The following MLLT10 variants were observed in gnomAD, a reference collection of about 807,000 sequenced individuals.
MLLT10 encodes protein AF-10.
In MLLT10, 30 loss-of-function variants were observed where a neutral mutation model predicts 129.1. The ratio of observed to expected loss-of-function variants is 0.23; its 90% confidence interval spans 0.17 to 0.32. The LOEUF is 0.32. MLLT10 is among the 10% of genes least tolerant of loss of function. The pLI is 1.00. For synonymous variants in MLLT10, 490 were observed against 446.4 expected, an observed-to-expected ratio of 1.10 and a Z score of -1.23; for missense variants, 1,119 against 1,268.3, an observed-to-expected ratio of 0.88 and a Z score of 1.79.
intron 5 of MLLT10, among the ~76,000 whole-genome samples, chr10:21,603,819 GT>G (rs1471443416): frequency 7.3e-6 from 1 of 137,298 alleles, no homozygotes; most frequent in African/African-American, 2.5e-5. Context: ...GACAGTTTTT[GT>G]TTTTTTGTTT....
At chr10:21,702,995 T>A (rs1227108449) in intron 13 of MLLT10, among the ~76,000 whole-genome samples, 1 of 152,170 alleles carries the variant, frequency 6.6e-6, no homozygotes, top group Non-Finnish European at 1.5e-5. Context: ...TTCTTTCTTT[T>A]CCTTTCTTTT....
chr10:21,605,695 A>C (rs2043992297), intron 5 of MLLT10, among the ~76,000 whole-genome samples: 1 of 152,150 alleles, frequency 6.6e-6, no homozygotes, highest in Non-Finnish European at 1.5e-5. Context: ...TTAGTCTCCC[A>C]AAGTGCTGGG....
intron 4 of MLLT10, 95 bp from the exon 5 acceptor site, chr10:21,595,236 T>A: frequency 2.5e-6 from 2 of 814,968 alleles, no homozygotes; most frequent in Non-Finnish European, 3.8e-6. Context: ...GTGCATTTAT[T>A]TCAATAGACA....
intron 13 of MLLT10, among the ~76,000 whole-genome samples, chr10:21,686,628 C>CT (rs2053318487): frequency 6.6e-6 from 1 of 152,154 alleles, no homozygotes; most frequent in East Asian, 1.9e-4. Flanking sequence ...AAGATCCTCT[C>CT]TGAGAAAGAA....
chr10:21,659,427 G>GA (rs1412227803), intron 9 of MLLT10, among the ~76,000 whole-genome samples: 1 of 151,750 alleles, frequency 6.6e-6, no homozygotes, highest in Non-Finnish European at 1.5e-5. Context: ...AAAACCAAAG[G>GA]AAAAATAGCA....
At chr10:21,572,823 A>C (rs1034473584) in intron 3 of MLLT10, among the ~76,000 whole-genome samples, 28 of 152,080 alleles carry the variant, frequency 1.8e-4, no homozygotes, top group African/African-American at 6.8e-4. Flanking sequence ...ATTGTTGGCC[A>C]GGCTGGTCAA....
intron 9 of MLLT10, among the ~76,000 whole-genome samples, chr10:21,663,422 G>A (rs892902727): frequency 6.6e-6 from 1 of 151,570 alleles, no homozygotes; most frequent in Non-Finnish European, 1.5e-5. Context: ...TGTTGCCCAG[G>A]CTGGAGTGCA....
At chr10:21,627,805 T>C (rs188840023) in intron 8 of MLLT10, among the ~76,000 whole-genome samples, 6 of 152,320 alleles carry the variant, frequency 3.9e-5, no homozygotes, top group Admixed American at 1.3e-4. Flanking sequence ...TCAACAGTCT[T>C]TTCATTAACT....
At chr10:21,736,286 T>A (rs573195838) in intron 21 of MLLT10, among the ~76,000 whole-genome samples, 4 of 152,268 alleles carry the variant, frequency 2.6e-5, no homozygotes, top group African/African-American at 9.6e-5. Flanking sequence ...AATTGTGGTA[T>A]ATATATGTAT....
chr10:21,619,264 A>G (rs1182775521), intron 8 of MLLT10, among the ~76,000 whole-genome samples: 3 of 152,218 alleles, frequency 2.0e-5, no homozygotes, highest in African/African-American at 7.2e-5. Flanking sequence ...TTTTTAAGTC[A>G]TCAACTAAGG....
intron 3 of MLLT10, among the ~76,000 whole-genome samples, chr10:21,573,596 CTT>C (rs869065926): frequency 9.8e-5 from 14 of 143,256 alleles, no homozygotes; most frequent in Admixed American, 1.4e-4. Flanking sequence ...GTGTATTATT[CTT>C]TTTTTTTTTT....
At chr10:21,591,876 A>T (rs755475711) in intron 4 of MLLT10, among the ~76,000 whole-genome samples, 87 of 151,976 alleles carry the variant, frequency 5.7e-4, no homozygotes, top group Non-Finnish European at 8.8e-4. Context: ...ACACACCACA[A>T]CACTCAGCTA....
intron 8 of MLLT10, chr10:21,626,016 C>T: frequency 8.7e-7 from 1 of 1,150,954 alleles, no homozygotes; most frequent in Admixed American, 1.7e-5. Flanking sequence ...TTCCTCTGTC[C>T]TGTGGTTACA....
chr10:21,696,312 T>A (rs1447826566), intron 13 of MLLT10, among the ~76,000 whole-genome samples: 2 of 152,210 alleles, frequency 1.3e-5, no homozygotes, highest in African/African-American at 4.8e-5. Context: ...TAGGTAATAT[T>A]TTTTTTCCCT....
chr10:21,598,420 A>C (rs1028455466), intron 5 of MLLT10, among the ~76,000 whole-genome samples: 1 of 152,142 alleles, frequency 6.6e-6, no homozygotes, highest in Non-Finnish European at 1.5e-5. Flanking sequence ...TCTCTGAGTA[A>C]CCTTGATTTC....
chr10:21,711,006 G>T (rs1386733531), intron 13 of MLLT10, among the ~76,000 whole-genome samples: 2 of 152,116 alleles, frequency 1.3e-5, no homozygotes, highest in African/African-American at 4.8e-5. Flanking sequence ...TAGTCACCAG[G>T]TTCTATTGGT....
chr10:21,736,256 A>T (rs1667661982), intron 21 of MLLT10, among the ~76,000 whole-genome samples: 1 of 152,150 alleles, frequency 6.6e-6, no homozygotes, highest in Admixed American at 6.5e-5. Flanking sequence ...AGTATGGGCT[A>T]CGTATTGAAA....
At chr10:21,662,977 C>T (rs1426462811) in intron 9 of MLLT10, among the ~76,000 whole-genome samples, 3 of 152,148 alleles carry the variant, frequency 2.0e-5, no homozygotes, top group Admixed American at 2.0e-4. Context: ...TTGTACATTT[C>T]CCTTCCCTAG....
At chr10:21,622,273 T>G (rs905224236) in intron 8 of MLLT10, among the ~76,000 whole-genome samples, 1 of 144,728 alleles carries the variant, frequency 6.9e-6, no homozygotes, top group African/African-American at 2.5e-5. Context: ...TCCTCCTCCC[T>G]CAGCCTCCTG....
Sources: allele counts gnomAD v4.1 joint callset (sites outside exome capture counted in the v4.1 genomes callset), GRCh38; gene constraint gnomAD v4.1.1; transcripts MANE v1.5; gene names NCBI Gene and HGNC (gene_info 2026-07-23, HGNC 2026-07-21).